CDH8: variants seen among roughly 807,000 people sequenced by gnomAD.
CDH8 encodes cadherin-8.
CDH8 carries 17 observed loss-of-function variants against 68.1 expected under a neutral mutation model. That is an observed-to-expected ratio of 0.25 (90% CI 0.17 to 0.37). The LOEUF is 0.37. Among genes scored for constraint, CDH8 ranks in the 10% least tolerant of loss-of-function variants. CDH8 has a pLI of 1.00. For missense variants in CDH8, 763 were observed against 999.3 expected, an observed-to-expected ratio of 0.76 and a Z score of 3.19; for synonymous variants, 372 against 365.1, an observed-to-expected ratio of 1.02 and a Z score of -0.21.
intron 7 of CDH8, among the ~76,000 whole-genome samples, chr16:61,800,568 G>C (rs1278477636): frequency 6.6e-6 from 1 of 152,124 alleles, no homozygotes; most frequent in Non-Finnish European, 1.5e-5. Flanking sequence ...TTCATAAATT[G>C]TATTCTCATT....
intron 10 of CDH8, among the ~76,000 whole-genome samples, chr16:61,710,548 G>A (rs985398923): frequency 2.0e-5 from 3 of 152,036 alleles, no homozygotes; most frequent in African/African-American, 7.2e-5. Flanking sequence ...AGGTACTATG[G>A]TTCTCCTGCT....
Position 61,817,736 on chromosome 16 carries a change from T to C in CDH8, c.1024-4A>G. 2 of 1,547,346 alleles carry C rather than the reference T, an allele frequency of 1.3e-6. No homozygotes were observed. Among genetic ancestry groups the C allele is most frequent in the Non-Finnish European group, 1.7e-6 (2 of 1,150,900 alleles). On this transcript the variant is annotated splice_polypyrimidine_tract_variant and splice_region_variant and intron_variant, in intron 6 of 11. Transcript: ENST00000577390. ...TTTTGGTCTCAAAGTCCAGAGGCTG[T>C]TAAGAAATGACAAAGATAAATGCTT...
chr16:61,670,784 A>T (rs910914211), intron 10 of CDH8, among the ~76,000 whole-genome samples: 3 of 151,964 alleles, frequency 2.0e-5, no homozygotes, highest in Admixed American at 6.6e-5. Flanking sequence ...CTTTTATCTG[A>T]TTACCTACAT....
chr16:61,768,210 T>C (rs1567460943), intron 8 of CDH8, among the ~76,000 whole-genome samples: 1 of 151,846 alleles, frequency 6.6e-6, no homozygotes, highest in Admixed American at 6.6e-5. Context: ...GAGGTTAAGA[T>C]GTGTAATTTA....
chr16:61,935,704 G>A lies in CDH8; in HGVS notation c.253-34231C>T, dbSNP rs115467927. 3.8e-3 allele frequency among the ~76,000 whole-genome samples: 583 copies of A among 152,126 alleles called. 4 individuals are homozygous for A. Among genetic ancestry groups the A allele is most frequent in the African/African-American group, 0.013 (532 of 41,494 alleles). ...TCTAGTGTATGCCAGACATTTTACT[G>A]TGAATTAAAAGCACCTAAGTATGTA... On this transcript the variant is annotated intron_variant, in intron 2 of 11. Coordinates refer to ENST00000577390, the MANE Select transcript of CDH8 (RefSeq NM_001796.5).
At chr16:61,875,522 C>A (rs1156387997) in intron 3 of CDH8, among the ~76,000 whole-genome samples, 1 of 152,186 alleles carries the variant, frequency 6.6e-6, no homozygotes, top group Non-Finnish European at 1.5e-5. Context: ...GAGGTATCAT[C>A]TATAACCTAA....
chr16:61,731,304 T>A (rs141942620), intron 8 of CDH8, among the ~76,000 whole-genome samples: 1 of 151,768 alleles, frequency 6.6e-6, no homozygotes, highest in East Asian at 1.9e-4. Flanking sequence ...GAAATGAGCC[T>A]TCTAGGAAAA....
At chr16:61,657,227 A>C (rs889737492) in intron 10 of CDH8, among the ~76,000 whole-genome samples, 3 of 152,122 alleles carry the variant, frequency 2.0e-5, no homozygotes, top group Admixed American at 1.3e-4. Context: ...AGATGACTTC[A>C]AATAAGTTTT....
chr16:61,947,428 A>G (rs1964818721), intron 2 of CDH8, among the ~76,000 whole-genome samples: 2 of 152,324 alleles, frequency 1.3e-5, no homozygotes, highest in South Asian at 4.1e-4. Context: ...CCTGTATTGC[A>G]TTCCTATCAT....
intron 10 of CDH8, among the ~76,000 whole-genome samples, chr16:61,659,741 C>T (rs998788793): frequency 6.6e-6 from 1 of 152,112 alleles, no homozygotes; most frequent in African/African-American, 2.4e-5. Flanking sequence ...AATCTTCACA[C>T]CAGCTCCAGA....
At chr16:61,764,939 C>G (rs1325101785) in intron 8 of CDH8, among the ~76,000 whole-genome samples, 2 of 151,986 alleles carry the variant, frequency 1.3e-5, no homozygotes, top group Non-Finnish European at 2.9e-5. Flanking sequence ...CTAATTTTAT[C>G]TTATTTTCTA....
intron 2 of CDH8, among the ~76,000 whole-genome samples, chr16:61,967,688 T>C (rs1023487992): frequency 3.9e-5 from 6 of 152,250 alleles, no homozygotes; most frequent in Non-Finnish European, 8.8e-5. Flanking sequence ...TTTCCACTTA[T>C]GGCATTATGT....
intron 2 of CDH8, among the ~76,000 whole-genome samples, chr16:61,969,532 A>C (rs1965305615): frequency 6.6e-6 from 1 of 152,244 alleles, no homozygotes; most frequent in Non-Finnish European, 1.5e-5. Flanking sequence ...TATTTCGGTC[A>C]GTATCAGACA....
At chr16:61,718,516 G>C (rs186208746) in intron 9 of CDH8, among the ~76,000 whole-genome samples, 1 of 151,398 alleles carries the variant, frequency 6.6e-6, no homozygotes, top group African/African-American at 2.4e-5. Flanking sequence ...GATAGAAAGG[G>C]GGTGAAGGAA....
intron 2 of CDH8, among the ~76,000 whole-genome samples, chr16:62,014,762 T>G (rs1161718289): frequency 6.6e-6 from 1 of 152,076 alleles, no homozygotes; most frequent in African/African-American, 2.4e-5. Context: ...GATGTGGCAT[T>G]ACCAGCAAGA....
intron 2 of CDH8, among the ~76,000 whole-genome samples, chr16:61,901,832 T>C (rs1334916338): frequency 6.6e-6 from 1 of 152,198 alleles, no homozygotes; most frequent in Non-Finnish European, 1.5e-5. Context: ...GGTCACTATC[T>C]GTATGCCCAG....
At chr16:61,933,807 G>A (rs916969202) in intron 2 of CDH8, among the ~76,000 whole-genome samples, 21 of 152,004 alleles carry the variant, frequency 1.4e-4, no homozygotes, top group African/African-American at 5.1e-4. Context: ...GGTCTCATAT[G>A]GTCTAGTACA....
intron 9 of CDH8, among the ~76,000 whole-genome samples, chr16:61,718,530 A>G (rs1485678257): frequency 6.6e-6 from 1 of 151,342 alleles, no homozygotes; most frequent in African/African-American, 2.4e-5. Context: ...GAAGGAAAGG[A>G]AGGGAAGTTA....
intron 2 of CDH8, among the ~76,000 whole-genome samples, chr16:61,936,597 G>A (rs928172096): frequency 1.3e-5 from 2 of 152,166 alleles, no homozygotes; most frequent in African/African-American, 2.4e-5. Context: ...GCATGTTCAA[G>A]TATTCAAGGA....
Sources: gnomAD v4.1 joint callset for allele counts (sites outside exome capture counted in the v4.1 genomes callset) on GRCh38, gnomAD v4.1.1 for gene constraint, MANE v1.5 for transcripts, NCBI Gene and HGNC (gene_info 2026-07-23, HGNC 2026-07-21) for gene names.